The following PCDHGB3 variants were observed in gnomAD, a reference collection of about 807,000 sequenced individuals.
PCDHGB3 encodes protocadherin gamma-B3.
A neutral mutation model predicts 59.2 loss-of-function variants in PCDHGB3; 40 were observed. The ratio of observed to expected loss-of-function variants is 0.68; its 90% CI spans 0.52 to 0.88. The LOEUF (loss-of-function observed/expected upper bound fraction) is 0.88. Among genes scored for constraint, PCDHGB3 ranks in the 40% least tolerant of loss-of-function variants. The pLI is 0.00. For synonymous variants in PCDHGB3, 581 were observed against 503.6 expected, an observed-to-expected ratio of 1.15 and a Z score of -2.06; for missense variants, 1,309 against 1,187.9, an observed-to-expected ratio of 1.10 and a Z score of -1.50.
chr5:141,397,972 G>A lies in PCDHGB3; in HGVS notation c.2415+25163G>A. 2.6e-6 allele frequency: 3 copies of A among 1,155,562 alleles called. No homozygotes were observed. In the South Asian group the frequency reaches 4.9e-5, roughly 19 times the overall value. The allele number at this position is 1,155,562 out of a possible 1,614,324, so 71.6% of individuals were successfully genotyped here. A position where few individuals can be genotyped will look rare whatever the true frequency, so the allele number is the denominator to read the frequency against. On this transcript the variant is annotated intron_variant, in intron 1 of 3. Transcript: ENST00000576222. ...GCAGCCCCAGCTCAGACTCCCCAGC[G>A]CCGGCCTTTACACCGCTTCCTCCTC...
At chr5:141,422,989 C>T (rs777558098) in intron 1 of PCDHGB3, 1 of 1,614,232 alleles carries the variant, frequency 6.2e-7, no homozygotes, top group African/African-American at 1.3e-5. Flanking sequence ...ACCTGGCTAC[C>T]TGGTGACCAA....
intron 1 of PCDHGB3, among the ~76,000 whole-genome samples, chr5:141,397,821 T>C (rs1225096146): frequency 2.0e-5 from 3 of 152,238 alleles, no homozygotes; most frequent in African/African-American, 7.2e-5. Context: ...AAACAATTAC[T>C]GCACTGGTTA....
intron 3 of PCDHGB3, among the ~76,000 whole-genome samples, chr5:141,509,045 GC>G (rs1165443091): frequency 6.6e-6 from 1 of 152,060 alleles, no homozygotes; most frequent in Non-Finnish European, 1.5e-5. Context: ...CCTCTCCCCC[GC>G]CCCCAGAAAG....
Position 141,485,036 on chromosome 5 carries a change from C to A in PCDHGB3, c.2416-9771C>A. ...CGCCACCAGCAAAAACGGCGCGTAA[C>A]CCTTGCGGCGCCGGCCGAACCGCGC... On this transcript the variant is annotated intron_variant, in intron 1 of 3. Coordinates refer to ENST00000576222, the MANE Select transcript of PCDHGB3 (RefSeq NM_018924.5). The surrounding 1 kb of genome is among the most constrained non-coding windows in gnomAD (Gnocchi z 5.7). 1 of 698,458 alleles carries A rather than the reference C, an allele frequency of 1.4e-6. No individual in the cohort carries two copies. The highest frequency in any genetic ancestry group is 2.5e-6 in the Non-Finnish European group (1 of 399,316). The allele number at this position is 698,458 out of a possible 1,614,324, so 43.3% of individuals were successfully genotyped here. A position where few individuals can be genotyped will look rare whatever the true frequency, so the allele number is the denominator to read the frequency against.
At chr5:141,380,746 A>G (rs1321659123) in intron 1 of PCDHGB3, among the ~76,000 whole-genome samples, 1 of 152,254 alleles carries the variant, frequency 6.6e-6, no homozygotes, top group African/African-American at 2.4e-5. Context: ...CAAAGAAGGT[A>G]CCAAGACACT....
Position 141,485,274 on chromosome 5 carries a change from C to A in PCDHGB3, c.2416-9533C>A. 1 of 1,614,106 alleles carries A rather than the reference C, an allele frequency of 6.2e-7. No homozygotes were observed. The highest frequency in any genetic ancestry group is 1.3e-5 in the African/African-American group (1 of 75,036). ...TACGTTTGTGGGCAGATCCGCTACC[C>A]GGTCCCAGAGGAGTCACAGGAAGGG... On this transcript the variant is annotated intron_variant, in intron 1 of 3. Transcript: ENST00000576222. The surrounding 1 kb of genome is among the most constrained non-coding windows in gnomAD (Gnocchi z 5.7).
chr5:141,484,959 C>A, intron 1 of PCDHGB3: 2 of 575,576 alleles, frequency 3.5e-6, no homozygotes, highest in Non-Finnish European at 6.2e-6. Flanking sequence ...ATTGGCTGAG[C>A]CCGGGAGCCG....
At chr5:141,410,746 C>T in intron 1 of PCDHGB3, 1 of 1,269,920 alleles carries the variant, frequency 7.9e-7, no homozygotes, top group Non-Finnish European at 1.1e-6. Flanking sequence ...ACAATATTTT[C>T]TCAATGTTTT....
intron 1 of PCDHGB3, chr5:141,419,330 C>T: frequency 1.2e-6 from 2 of 1,613,956 alleles, no homozygotes; most frequent in South Asian, 1.1e-5. Flanking sequence ...CTCCTACTCT[C>T]TCATTGCCAG....
chr5:141,511,135 G>A lies in PCDHGB3; in HGVS notation c.2752G>A (p.Gly918Ser), dbSNP rs200541479. Residue 918 changes from glycine to serine, a missense_variant, in exon 4 of 4, where the codon GGC becomes AGC. Physicochemically the swap from Gly to Ser is moderately conservative, Grantham distance 56. Coordinates refer to ENST00000576222, the MANE Select transcript of PCDHGB3 (RefSeq NM_018924.5). The stretch of plus-strand genomic sequence containing the variant: ...TGGCAAGGCCCCAGCAGGTGGCAAT[G>A]GCAACAAGAAGAAGTCGGGCAAGAA... ...RDGKAPAGGN[G>S]NKKKSGKKEK... 2.8e-4 allele frequency: 448 copies of A among 1,614,188 alleles called. No homozygotes were observed. Among genetic ancestry groups the A allele is most frequent in the Non-Finnish European group, 3.0e-4 (352 of 1,180,016 alleles).
intron 1 of PCDHGB3, among the ~76,000 whole-genome samples, chr5:141,436,424 T>C (rs2154557109): frequency 6.6e-6 from 1 of 152,322 alleles, no homozygotes; most frequent in Middle Eastern, 3.4e-3. Context: ...AAACAAATAA[T>C]GTACTCTGGG....
In PCDHGB3 at chr5:141,477,362, G is replaced by T. The variant is rs920445601; in HGVS notation, c.2416-17445G>T. 6.2e-7 allele frequency: 1 copy of T among 1,614,142 alleles called. No individual in the cohort carries two copies. The highest frequency in any genetic ancestry group is 1.3e-5 in the African/African-American group (1 of 75,022). On this transcript the variant is annotated intron_variant, in intron 1 of 3. Coordinates refer to ENST00000576222, the MANE Select transcript of PCDHGB3 (RefSeq NM_018924.5). The surrounding 1 kb of genome is among the most constrained non-coding windows in gnomAD (Gnocchi z 4.9). ...CACTTTGAAAACCAGTGCAGACCTG[G>T]ATCGGGAGACTGTGCCAGAATACAA...
At position 141,399,158 on chromosome 5, in the gene PCDHGB3, C is replaced by T. The variant is rs575806440; in HGVS notation, c.2415+26349C>T. 17 of 1,613,790 alleles carry T rather than the reference C, an allele frequency of 1.1e-5. No homozygotes were observed. The East Asian group carries it at 2.9e-4, about 27-fold the overall frequency. On this transcript the variant is annotated intron_variant, in intron 1 of 3. Transcript: ENST00000576222. The stretch of plus-strand genomic sequence containing the variant: ...GAAAATGACAATAGCCCAGAAGTTA[C>T]ATTCCATTCTCTACTTGAAATGATT...
At chr5:141,413,956 G>C in intron 1 of PCDHGB3, 11 of 1,613,484 alleles carry the variant, frequency 6.8e-6, no homozygotes, top group Non-Finnish European at 9.3e-6. Context: ...GAATTTGCCT[G>C]TGGGCACTCA....
chr5:141,485,466 T>C lies in PCDHGB3; in HGVS notation c.2416-9341T>C, dbSNP rs1485922901. ...ATCGACCGAGAGGCACTGTGTGGGC[T>C]CAGTGCCAGCTGCATCGTGCCCCTG... On this transcript the variant is annotated intron_variant, in intron 1 of 3. Transcript: ENST00000576222. The surrounding 1 kb of genome is among the most constrained non-coding windows in gnomAD (Gnocchi z 5.7). 6.2e-7 allele frequency: 1 copy of C among 1,613,868 alleles called. No individual in the cohort carries two copies. Among genetic ancestry groups the C allele is most frequent in the Non-Finnish European group, 8.5e-7 (1 of 1,179,924 alleles).
At chr5:141,389,142 G>A (rs72790030) in intron 1 of PCDHGB3, 42,481 of 1,613,950 alleles carry the variant, frequency 0.026, 745 homozygotes, top group East Asian at 0.04. Flanking sequence ...CAATATAACC[G>A]TTACGGCAAC....
chr5:141,382,893 G>A (rs1778536520), intron 1 of PCDHGB3: 1 of 1,534,786 alleles, frequency 6.5e-7, no homozygotes, highest in African/African-American at 1.4e-5. Flanking sequence ...AGAGAAGCAG[G>A]ACGACTATGG....
At position 141,476,311 on chromosome 5, in the gene PCDHGB3, G is replaced by C. The variant is rs772962568; in HGVS notation, c.2416-18496G>C. ...ATCTCGGTAGCCTCTCAGCCCGCAGGTTCCGGGTGGTGTCTGGAGCTAGCC... is the reference window on the plus strand; with the variant it reads ...ATCTCGGTAGCCTCTCAGCCCGCAGCTTCCGGGTGGTGTCTGGAGCTAGCC... On this transcript the variant is annotated intron_variant, in intron 1 of 3. Transcript: ENST00000576222. The surrounding 1 kb of genome is among the most constrained non-coding windows in gnomAD (Gnocchi z 7.6). 18 of 1,613,680 alleles carry C rather than the reference G, an allele frequency of 1.1e-5. No homozygotes were observed. Among genetic ancestry groups the C allele is most frequent in the African/African-American group, 2.7e-5 (2 of 74,766 alleles).
At chr5:141,394,885 T>C (rs769027830) in intron 1 of PCDHGB3, 1 of 1,613,758 alleles carries the variant, frequency 6.2e-7, no homozygotes. Context: ...AGCCTTACAC[T>C]CTATCTCGTG....
Sources: gnomAD v4.1 joint callset for allele counts (sites outside exome capture counted in the v4.1 genomes callset) on GRCh38, gnomAD v4.1.1 for gene constraint, Gnocchi (gnomAD v3.1) non-coding constraint, MANE v1.5 for transcripts, NCBI Gene and HGNC (gene_info 2026-07-23, HGNC 2026-07-21) for gene names.